Variants in GDF1 observed in about 807,000 individuals in gnomAD.
The protein encoded by GDF1 is growth differentiation factor 1, also known as embryonic growth/differentiation factor 1.
In GDF1, 8 loss-of-function variants were observed where a neutral mutation model predicts 7.4. The ratio of observed to expected loss-of-function variants is 1.09; its 90% CI spans 0.64 to 1.96. The LOEUF (loss-of-function observed/expected upper bound fraction) is 1.96. Among genes scored for constraint, GDF1 ranks in the 30% most tolerant of loss-of-function variants. GDF1 has a pLI of 0.00. For synonymous variants in GDF1, 311 were observed against 276.7 expected (o/e 1.12, Z -1.23); for missense variants, 574 against 551.5 (o/e 1.04, Z -0.41).
chr19:18,887,645 G>C (rs531179679), intron 2 of GDF1, among the ~76,000 whole-genome samples: 2 of 151,426 alleles, frequency 1.3e-5, no homozygotes, highest in Non-Finnish European at 1.5e-5. Context: ...CTCGAAGGCT[G>C]AGGCAGGAGC....
chr19:18,880,147 CCT>C (rs1601164879), intron 4 of GDF1, 125 bp downstream of exon 4: 5 of 975,694 alleles, frequency 5.1e-6, no homozygotes, highest in East Asian at 2.7e-5. Flanking sequence ...AGGCCCCTCC[CCT>C]GTCATGCCAC....
intron 6 of GDF1, among the ~76,000 whole-genome samples, chr19:18,875,629 T>C (rs2056047297): frequency 6.6e-6 from 1 of 152,216 alleles, no homozygotes; most frequent in Admixed American, 6.5e-5. Context: ...AGAGCTTTCT[T>C]TTATTAAACT....
In GDF1 at chr19:18,895,807, C is replaced by T; in HGVS notation, c.-1074+17G>A. ...CCAGTCCGGGGTCCCCTCGTCCCGG[C>T]CCCCGGCCACACTGACCCGAAAGAG... On this transcript the variant is annotated intron_variant, in intron 1 of 7. Coordinates refer to ENST00000247005, the MANE Select transcript of GDF1 (RefSeq NM_001492.6). The surrounding 1 kb of genome is among the most constrained non-coding windows in gnomAD (Gnocchi z 6.4). 4 of 1,214,708 alleles carry T rather than the reference C, an allele frequency of 3.3e-6. No homozygotes were observed. Among genetic ancestry groups the T allele is most frequent in the South Asian group, 2.3e-5 (1 of 43,082 alleles). The allele number at this position is 1,214,708 out of a possible 1,614,324, so 75.2% of individuals were successfully genotyped here. A position where few individuals can be genotyped will look rare whatever the true frequency, so the allele number is the denominator to read the frequency against.
intron 3 of GDF1, chr19:18,883,419 A>C (rs2056263565): frequency 1.3e-5 from 2 of 152,166 alleles, no homozygotes; most frequent in Admixed American, 6.6e-5. Context: ...TGTAATCCCC[A>C]CACTTCGGGG....
rs1187747006 is a variant in GDF1, at chr19:18,868,733, G to T, written c.983C>A (p.Ala328Asp). The T allele has an allele frequency of 6.5e-7, 1 of 1,532,874 alleles. No individual in the cohort carries two copies. The highest frequency in any genetic ancestry group is 8.8e-7 in the Non-Finnish European group (1 of 1,136,238). 95.0% of individuals were successfully genotyped at this position (1,532,874 alleles called of 1,614,324 possible). The change falls in exon 8 of 8, where the codon GCC (alanine) becomes GAC (aspartate). Residue 328 changes from alanine to aspartate, a missense_variant. Coordinates refer to ENST00000247005, the MANE Select transcript of GDF1 (RefSeq NM_001492.6). ...AVLRALMHAA[A>D]PGAADLPCCV... is the part of the protein sequence containing the mutation. The stretch of plus-strand genomic sequence containing the variant: ...GCAGGGCAGGTCGGCGGCTCCCGGG[G>T]CGGCCGCGTGCATGAGCGCGCGCAG...
intron 2 of GDF1, among the ~76,000 whole-genome samples, chr19:18,892,600 C>A (rs1055319302): frequency 6.6e-5 from 10 of 151,920 alleles, no homozygotes; most frequent in East Asian, 2.0e-4. Flanking sequence ...GGCGACAGAG[C>A]GAGACTCCAT....
rs902153714 is a variant in GDF1, at chr19:18,880,318, A to T, written c.-615T>A. On this transcript the variant is annotated 5_prime_UTR_variant, in exon 4 of 8. It removes an upstream start codon present in the reference 5' UTR. Coordinates refer to ENST00000247005, the MANE Select transcript of GDF1 (RefSeq NM_001492.6). ...GGCAGCCCAAGTCTGCTGCCAAGGC[A>T]TGCAGCCGATGGTAGGAGCCGCCGC... 1.7e-5 allele frequency: 27 copies of T among 1,553,170 alleles called. No individual in the cohort carries two copies. The African/African-American group carries it at 2.9e-4, about 16-fold the overall frequency.
At position 18,878,485 on chromosome 19, in the gene GDF1, C is replaced by A; in HGVS notation, c.-313+445G>T. ...AAACTCAGAGGCCAGGATGTCTCGGCCCAGATGGAGCCTGGGTTCTCTCTG... is the reference window on the plus strand; with the variant it reads ...AAACTCAGAGGCCAGGATGTCTCGGACCAGATGGAGCCTGGGTTCTCTCTG... On this transcript the variant is annotated intron_variant, in intron 6 of 7. Transcript: ENST00000247005. The surrounding 1 kb of genome is among the most constrained non-coding windows in gnomAD (Gnocchi z 4.6). 1.0e-6 allele frequency: 1 copy of A among 996,306 alleles called. No homozygotes were observed. The highest frequency in any genetic ancestry group is 1.2e-6 in the Non-Finnish European group (1 of 836,016). The allele number at this position is 996,306 out of a possible 1,614,324, so 61.7% of individuals were successfully genotyped here. A position where few individuals can be genotyped will look rare whatever the true frequency, so the allele number is the denominator to read the frequency against.
intron 2 of GDF1, 75 bp downstream of exon 2, chr19:18,893,341 A>G (rs1179712009): frequency 2.0e-6 from 3 of 1,480,108 alleles, no homozygotes; most frequent in Non-Finnish European, 1.8e-6. Context: ...CTGCCTCATG[A>G]GTAGCTGGGA....
In GDF1 at chr19:18,870,148, TG is replaced by T; in HGVS notation, c.159del (p.Arg54GlyfsTer112). 2.6e-6 allele frequency: 4 copies of T among 1,563,386 alleles called. No individual in the cohort carries two copies. The highest frequency in any genetic ancestry group is 2.6e-6 in the Non-Finnish European group (3 of 1,160,174). ...ATGACCGGGGGAACCGGCCGGAGCCTGGGGGCACCCTGGGGCTCATCGCGCA... is the reference window on the plus strand; with the variant it reads ...ATGACCGGGGGAACCGGCCGGAGCCTGGGGCACCCTGGGGCTCATCGCGCA... ...LGLRDEPQGA[P>X]RLRPVPPVMW... On this transcript the variant is annotated frameshift_variant, in exon 7 of 8. Coordinates refer to ENST00000247005, the MANE Select transcript of GDF1 (RefSeq NM_001492.6). LOFTEE classifies it high-confidence loss of function. This position sits in a 1 kb window ranked among gnomAD's most constrained non-coding sequence, Gnocchi z 5.1.
chr19:18,889,083 G>A (rs1380975385), intron 2 of GDF1, among the ~76,000 whole-genome samples: 1 of 151,540 alleles, frequency 6.6e-6, no homozygotes, highest in Non-Finnish European at 1.5e-5. Flanking sequence ...GTAGAGACAG[G>A]GTTTCACCAT....
At chr19:18,886,205 A>C (rs1183425774) in intron 2 of GDF1, among the ~76,000 whole-genome samples, 2 of 151,814 alleles carry the variant, frequency 1.3e-5, no homozygotes, top group Non-Finnish European at 2.9e-5. Context: ...CAGGAGTTCG[A>C]GACCAGCCTG....
chr19:18,870,477 G>A lies in GDF1; in HGVS notation c.-170C>T. 1 of 659,184 alleles carries A rather than the reference G, an allele frequency of 1.5e-6. No homozygotes were observed. Among genetic ancestry groups the A allele is most frequent in the Non-Finnish European group, 2.6e-6 (1 of 382,806 alleles). The allele number at this position is 659,184 out of a possible 1,614,324, so 40.8% of individuals were successfully genotyped here. On this transcript the variant is annotated 5_prime_UTR_variant, in exon 7 of 8. Transcript: ENST00000247005. The surrounding 1 kb of genome is among the most constrained non-coding windows in gnomAD (Gnocchi z 5.1). ...CCCAGGGGAGGTGGCGGCGGCCCTAGAGGAGCAGAGTTGGAGGGGGTGGAG... is the reference window on the plus strand; with the variant it reads ...CCCAGGGGAGGTGGCGGCGGCCCTAAAGGAGCAGAGTTGGAGGGGGTGGAG...
chr19:18,896,030 G>A lies in GDF1; in HGVS notation c.-1280C>T, dbSNP rs1171255222. The A allele has an allele frequency of 2.0e-6, 2 of 995,472 alleles. No individual in the cohort carries two copies. Among genetic ancestry groups the A allele is most frequent in the Non-Finnish European group, 2.4e-6 (2 of 838,168 alleles). 61.7% of individuals were successfully genotyped at this position (995,472 alleles called of 1,614,324 possible). On this transcript the variant is annotated 5_prime_UTR_variant, in exon 1 of 8. Coordinates refer to ENST00000247005, the MANE Select transcript of GDF1 (RefSeq NM_001492.6). The surrounding 1 kb of genome is among the most constrained non-coding windows in gnomAD (Gnocchi z 5.9). ...ACTAGCTGCGCGTAGCTCGGCATGG[G>A]CTCGGGCCCCGTCGGCCCCGCCGCG...
rs2056598195 is a variant in GDF1, at chr19:18,895,309, C to T, written c.-1074+515G>A. ...GACCCAGCAGAAAACGGGCAGCGGACCTCGCTCCGGGCCGGGGCGCAGCCC... is the reference window on the plus strand; with the variant it reads ...GACCCAGCAGAAAACGGGCAGCGGATCTCGCTCCGGGCCGGGGCGCAGCCC... On this transcript the variant is annotated intron_variant, in intron 1 of 7. Transcript: ENST00000247005. This position sits in a 1 kb window ranked among gnomAD's most constrained non-coding sequence, Gnocchi z 6.4. Among the ~76,000 whole-genome samples the T allele has an allele frequency of 6.6e-6, 1 of 152,196 alleles. No homozygotes were observed. The highest frequency in any genetic ancestry group is 1.5e-5 in the Non-Finnish European group (1 of 68,028).
In GDF1 at chr19:18,884,165, G is replaced by C; in HGVS notation, c.-811C>G. 6.2e-7 allele frequency: 1 copy of C among 1,613,758 alleles called. No homozygotes were observed. Among genetic ancestry groups the C allele is most frequent in the Non-Finnish European group, 8.5e-7 (1 of 1,179,846 alleles). On this transcript the variant is annotated 5_prime_UTR_variant, in exon 3 of 8. Coordinates refer to ENST00000247005, the MANE Select transcript of GDF1 (RefSeq NM_001492.6). Reference sequence around the variant, plus strand: ...CATGACCACCGAGTCCTTGCGCCAGGTGTCCATGTATAGCGTAGCGTAGAT... The same window carrying C: ...CATGACCACCGAGTCCTTGCGCCAGCTGTCCATGTATAGCGTAGCGTAGAT...
chr19:18,877,995 G>A (rs2056093883), intron 6 of GDF1: 1 of 985,428 alleles, frequency 1.0e-6, no homozygotes, highest in Non-Finnish European at 1.2e-6. Context: ...CAGGGTGGGG[G>A]GTCTGACGCT....
Position 18,870,217 on chromosome 19 carries a change from C to G in GDF1, c.91G>C (p.Val31Leu), listed in dbSNP as rs1164935305. 2 of 1,553,954 alleles carry G rather than the reference C, an allele frequency of 1.3e-6. No homozygotes were observed. Among genetic ancestry groups the G allele is most frequent in the Non-Finnish European group, 1.7e-6 (2 of 1,155,446 alleles). ...LPSLPLTRAP[V>L]PPGPAAALLQ... ...AGGGCGGCGGCTGGGCCTGGGGGCA[C>G]GGGGGCGCGGGTCAGGGGCAGCGAG... Residue 31 changes from valine to leucine, a missense_variant, in exon 7 of 8, where the codon GTG becomes CTG. Val to Leu is a conservative substitution (Grantham distance 32, BLOSUM62 1). Coordinates refer to ENST00000247005, the MANE Select transcript of GDF1 (RefSeq NM_001492.6). The surrounding 1 kb of genome is among the most constrained non-coding windows in gnomAD (Gnocchi z 5.1).
At chr19:18,884,501 G>A (rs567617306) in intron 2 of GDF1, among the ~76,000 whole-genome samples, 2 of 151,298 alleles carry the variant, frequency 1.3e-5, no homozygotes, top group South Asian at 2.1e-4. Context: ...TCCACATCCT[G>A]GGTTCAAACG....
Sources: allele counts gnomAD v4.1 joint callset (sites outside exome capture counted in the v4.1 genomes callset), GRCh38; gene constraint gnomAD v4.1.1; non-coding constraint Gnocchi (gnomAD v3.1); transcripts MANE v1.5; gene names NCBI Gene and HGNC (gene_info 2026-07-23, HGNC 2026-07-21).